The following CDH18 variants were observed in gnomAD, a reference collection of about 807,000 sequenced individuals.
CDH18 encodes the protein cadherin 18.
In CDH18, 31 loss-of-function variants were observed where a neutral mutation model predicts 67.9. The observed-to-expected ratio is 0.46, with a 90% confidence interval of 0.34 to 0.62. The LOEUF (loss-of-function observed/expected upper bound fraction) is 0.62, where lower values mean the gene tolerates loss of function less well. Among genes scored for constraint, CDH18 ranks in the 20% least tolerant of loss-of-function variants. The pLI is 0.01. For missense variants in CDH18, 890 were observed against 975.5 expected (o/e 0.91, Z 1.17); for synonymous variants, 362 against 347.2 (o/e 1.04, Z -0.48).
intron 2 of CDH18, among the ~76,000 whole-genome samples, chr5:20,083,903 C>T (rs1744709975): frequency 6.6e-6 from 1 of 152,170 alleles, no homozygotes. Context: ...CACTGGGTCC[C>T]TCCCACAACA....
At chr5:20,433,887 T>C (rs776672561) in intron 1 of CDH18, among the ~76,000 whole-genome samples, 1 of 152,068 alleles carries the variant, frequency 6.6e-6, no homozygotes, top group Non-Finnish European at 1.5e-5. Context: ...AGTAGAAACG[T>C]GTATACTCTT....
intron 5 of CDH18, among the ~76,000 whole-genome samples, chr5:19,673,319 A>G (rs1394650303): frequency 6.6e-6 from 1 of 152,016 alleles, no homozygotes; most frequent in African/African-American, 2.4e-5. Context: ...AAAACAGATA[A>G]TTTACATGTT....
At chr5:19,809,640 T>C (rs1778430988) in intron 3 of CDH18, among the ~76,000 whole-genome samples, 1 of 152,192 alleles carries the variant, frequency 6.6e-6, no homozygotes, top group African/African-American at 2.4e-5. Context: ...AACTCAAACC[T>C]ACAGCCCAGA....
rs567388651 is a variant in CDH18, at chr5:20,471,368, T to C, written c.-580+104094A>G. On this transcript the variant is annotated intron_variant, in intron 1 of 14. Coordinates refer to the CDH18 transcript ENST00000507958. ...TTCTAAACTGGTTTCCCTGTTTTCA[T>C]CCACACTATCCACTTCAAGAGTATT... Among the ~76,000 whole-genome samples, 28 of 152,308 alleles carry C rather than the reference T, an allele frequency of 1.8e-4. 1 individual carries two copies. Among genetic ancestry groups the C allele is most frequent in the Admixed American group, 1.8e-3 (28 of 15,296 alleles).
At chr5:19,988,528 T>A (rs1463890285), upstream of CDH18, among the ~76,000 whole-genome samples, 1 of 152,034 alleles carries the variant, frequency 6.6e-6, no homozygotes, top group Non-Finnish European at 1.5e-5. Flanking sequence ...AACGGCATCA[T>A]CTTGGGTACC....
At chr5:19,509,060 G>T (rs868051363) in intron 10 of CDH18, among the ~76,000 whole-genome samples, 7 of 151,824 alleles carry the variant, frequency 4.6e-5, no homozygotes, top group South Asian at 4.2e-4. Context: ...GTAGAAATGG[G>T]TTTTTGCTAT....
chr5:19,897,504 A>G (rs73059665), intron 2 of CDH18, among the ~76,000 whole-genome samples: 10,804 of 152,198 alleles, frequency 0.071, 459 homozygotes, highest in South Asian at 0.17. Context: ...GCAATATGAA[A>G]AACTACTCAG....
intron 4 of CDH18, among the ~76,000 whole-genome samples, chr5:19,730,754 G>T (rs929449341): frequency 2.7e-5 from 3 of 112,524 alleles, no homozygotes; most frequent in Non-Finnish European, 5.5e-5. Context: ...TTTTCACACA[G>T]AAGTATTAAA....
chr5:19,959,077 A>G (rs1173197476), intron 2 of CDH18, among the ~76,000 whole-genome samples: 1 of 152,148 alleles, frequency 6.6e-6, no homozygotes, highest in Admixed American at 6.6e-5. Flanking sequence ...AGAAACAAAG[A>G]AAGATATTTG....
intron 1 of CDH18, among the ~76,000 whole-genome samples, chr5:20,338,581 G>A (rs1406522556): frequency 6.6e-6 from 1 of 152,216 alleles, no homozygotes; most frequent in African/African-American, 2.4e-5. Flanking sequence ...CTTCTATGCT[G>A]TCTCTGCAGA....
intron 1 of CDH18, among the ~76,000 whole-genome samples, chr5:20,264,818 T>C (rs1196778548): frequency 6.6e-6 from 1 of 152,148 alleles, no homozygotes; most frequent in Non-Finnish European, 1.5e-5. Context: ...TTTGACAGAC[T>C]GGGTACATTT....
rs114029651 is a variant in CDH18 at position 20,441,344 on chromosome 5, C to T, written c.-580+134118G>A. Among the ~76,000 whole-genome samples the T allele has an allele frequency of 7.7e-3, 1,163 of 151,768 alleles. 33 individuals carry two copies. The highest frequency in any genetic ancestry group is 0.026 in the African/African-American group (1,066 of 41,170). ...TAATAATTGATAATCAATATCTAAA[C>T]GGGAGGGTCGCTATAATTGCACGTG... is the stretch of plus-strand genomic sequence containing the variant. On this transcript the variant is annotated intron_variant, in intron 1 of 14. Transcript: ENST00000507958.
chr5:20,127,525 G>A (rs1748933105), intron 2 of CDH18, among the ~76,000 whole-genome samples: 1 of 151,978 alleles, frequency 6.6e-6, no homozygotes, highest in Non-Finnish European at 1.5e-5. Flanking sequence ...TAAAAAAAAG[G>A]AAATCCCGTC....
At chr5:20,258,419 C>T (rs1744403543) in intron 1 of CDH18, among the ~76,000 whole-genome samples, 1 of 151,808 alleles carries the variant, frequency 6.6e-6, no homozygotes, top group African/African-American at 2.4e-5. Context: ...TGGTTTTATT[C>T]AGCATTCCAA....
rs76807081 is a variant in CDH18 at position 20,525,002 on chromosome 5, C to T, written c.-580+50460G>A. ...GGAAACAAAGGCCAAGTTTATGAGA[C>T]GATTAAAGACTTTTTGAGGGCTGAT... On this transcript the variant is annotated intron_variant, in intron 1 of 14. Coordinates refer to the CDH18 transcript ENST00000507958. 2.9e-3 allele frequency among the ~76,000 whole-genome samples: 436 copies of T among 152,164 alleles called. 1 individual carries two copies. Among genetic ancestry groups the T allele is most frequent in the African/African-American group, 9.7e-3 (401 of 41,526 alleles).
At chr5:20,429,549 C>A (rs1402306943) in intron 1 of CDH18, among the ~76,000 whole-genome samples, 1 of 152,042 alleles carries the variant, frequency 6.6e-6, no homozygotes, top group Non-Finnish European at 1.5e-5. Flanking sequence ...CTGTCTTTCC[C>A]TTTTTCTTCA....
intron 1 of CDH18, among the ~76,000 whole-genome samples, chr5:20,435,906 T>G (rs1019537945): frequency 6.6e-6 from 1 of 152,066 alleles, no homozygotes; most frequent in Non-Finnish European, 1.5e-5. Context: ...TCACAATTAT[T>G]ATTGATATCA....
chr5:20,551,633 T>A (rs2126622222), intron 1 of CDH18, among the ~76,000 whole-genome samples: 1 of 152,238 alleles, frequency 6.6e-6, no homozygotes, highest in South Asian at 2.1e-4. Context: ...TCAACTGGAG[T>A]CCCTCTGAGT....
chr5:20,133,595 A>G (rs934457449), intron 2 of CDH18, among the ~76,000 whole-genome samples: 1 of 152,102 alleles, frequency 6.6e-6, no homozygotes, highest in African/African-American at 2.4e-5. Flanking sequence ...TAACACTGTA[A>G]ATATTTCACT....
Sources: gnomAD v4.1 joint callset for allele counts (sites outside exome capture counted in the v4.1 genomes callset) on GRCh38, gnomAD v4.1.1 for gene constraint, MANE v1.5 for transcripts, NCBI Gene and HGNC (gene_info 2026-07-23, HGNC 2026-07-21) for gene names.